Variants in CACUL1 observed in about 807,000 individuals in gnomAD.
CACUL1 encodes the protein CDK2-associated and cullin domain-containing protein 1.
CACUL1 carries 13 observed loss-of-function variants against 45.2 expected under a neutral mutation model. The ratio of observed to expected loss-of-function variants is 0.29; its 90% CI spans 0.19 to 0.46. The LOEUF (loss-of-function observed/expected upper bound fraction) is 0.46, where lower values mean the gene tolerates loss of function less well. Among genes scored for constraint, CACUL1 ranks in the 20% least tolerant of loss-of-function variants. The pLI is 1.00. For synonymous variants in CACUL1, 197 were observed against 174.2 expected (o/e 1.13, Z -1.03); for missense variants, 421 against 471.4 (o/e 0.89, Z 0.99).
chr10:118,699,366 GACA>G (rs1845354662), intron 5 of CACUL1, among the ~76,000 whole-genome samples: 1 of 152,062 alleles, frequency 6.6e-6, no homozygotes, highest in Admixed American at 6.5e-5. Flanking sequence ...TTGAAAACCG[GACA>G]ACATGATTAT....
chr10:118,676,863 CACACACACA>C lies in CACUL1; in HGVS notation c.*9256_*9264del, dbSNP rs1564824500. 3.4e-3 allele frequency: 519 copies of C among 151,980 alleles called. 1 individual carries two copies. The highest frequency in any genetic ancestry group is 0.011 in the African/African-American group (449 of 41,384). 9.4% of individuals were successfully genotyped at this position (151,980 alleles called of 1,614,324 possible). On this transcript the variant is annotated 3_prime_UTR_variant, in exon 9 of 9. Transcript: ENST00000369151. ...GTACACACACACACACACACACACA[CACACACACA>C]CTGGGGTGTGCACACTACGGCATTA...
rs1160159498 is a variant in CACUL1, at chr10:118,731,265, CT to C, written c.368-856del. Among the ~76,000 whole-genome samples the C allele has an allele frequency of 2.0e-5, 3 of 152,198 alleles. No homozygotes were observed. The East Asian group carries it at 5.8e-4, about 29-fold the overall frequency. On this transcript the variant is annotated intron_variant, in intron 1 of 8. Coordinates refer to ENST00000369151, the MANE Select transcript of CACUL1 (RefSeq NM_153810.5). ...AACAACAACGAGACCAGGTATTTCACTGTTTATTTTACCAGACTAGGAAGCA... is the reference window on the plus strand; with the variant it reads ...AACAACAACGAGACCAGGTATTTCACGTTTATTTTACCAGACTAGGAAGCA...
At chr10:118,729,833 T>C (rs1845682834) in intron 2 of CACUL1, among the ~76,000 whole-genome samples, 1 of 152,184 alleles carries the variant, frequency 6.6e-6, no homozygotes, top group Non-Finnish European at 1.5e-5. Flanking sequence ...TGGAACAACA[T>C]ACTTGTCACT....
Position 118,730,583 on chromosome 10 carries a change from G to A in CACUL1, c.368-173C>T, listed in dbSNP as rs10510047. ...AAACAAAAAAGGCAACCTGGTCAAGGATGTTAAGCAGCCATTAATCATGGA... is the reference window on the plus strand; with the variant it reads ...AAACAAAAAAGGCAACCTGGTCAAGAATGTTAAGCAGCCATTAATCATGGA... On this transcript the variant is annotated intron_variant, in intron 1 of 8. Transcript: ENST00000369151. Among the ~76,000 whole-genome samples, 615 of 152,224 alleles carry A rather than the reference G, an allele frequency of 4.0e-3. 7 individuals are homozygous for A. The highest frequency in any genetic ancestry group is 0.014 in the African/African-American group (595 of 41,516).
chr10:118,742,796 C>T lies in CACUL1; in HGVS notation c.367+11600G>A, dbSNP rs116299233. On this transcript the variant is annotated intron_variant, in intron 1 of 8. Transcript: ENST00000369151. ...ACTAGAATCAGATTTCCCAAGGGAA[C>T]AAGTACCAAACCTAAATAAATAGGA... 2.8e-3 allele frequency among the ~76,000 whole-genome samples: 430 copies of T among 152,234 alleles called. 2 individuals carry two copies. Among genetic ancestry groups the T allele is most frequent in the African/African-American group, 9.9e-3 (412 of 41,526 alleles).
chr10:118,713,192 C>T (rs375292752), intron 3 of CACUL1, among the ~76,000 whole-genome samples: 1 of 152,240 alleles, frequency 6.6e-6, no homozygotes, highest in Non-Finnish European at 1.5e-5. Context: ...GGCCAGGCTG[C>T]GACAGCACCT....
At chr10:118,702,075 G>C (rs1397624530) in intron 4 of CACUL1, among the ~76,000 whole-genome samples, 1 of 152,168 alleles carries the variant, frequency 6.6e-6, no homozygotes, top group Non-Finnish European at 1.5e-5. Flanking sequence ...TGCCTTAACT[G>C]AGGACATTAT....
chr10:118,696,555 A>C (rs1302469514), intron 5 of CACUL1, among the ~76,000 whole-genome samples: 4 of 152,220 alleles, frequency 2.6e-5, no homozygotes, highest in Non-Finnish European at 5.9e-5. Context: ...GAGGCAGAGA[A>C]TTGCTTGAAC....
chr10:118,707,245 G>A (rs1845440995), intron 4 of CACUL1, among the ~76,000 whole-genome samples: 1 of 152,240 alleles, frequency 6.6e-6, no homozygotes, highest in East Asian at 1.9e-4. Context: ...TACTCATGTG[G>A]GTGACTGCTA....
chr10:118,709,410 C>T (rs1342004619), intron 3 of CACUL1, among the ~76,000 whole-genome samples: 3 of 152,178 alleles, frequency 2.0e-5, no homozygotes, highest in South Asian at 2.1e-4. Flanking sequence ...AATTAGGTCC[C>T]ATTTTAACAC....
chr10:118,734,168 C>T (rs543130175), intron 1 of CACUL1, among the ~76,000 whole-genome samples: 232 of 152,326 alleles, frequency 1.5e-3, no homozygotes, highest in African/African-American at 5.4e-3. Flanking sequence ...TACTTTTCAA[C>T]TTTTTATTTC....
rs754893900 is a variant in CACUL1, at chr10:118,754,467, G to A, written c.296C>T (p.Ala99Val). ...GGGGGCGGGGGCCGCCTTGGCCACG[G>A]CGGCGGCCGCGTCGCAGCTCTTCAA... ...MMLKSCDAAA[A>V]VAKAAPAPTA... The change falls in exon 1 of 9, where the codon GCC (alanine) becomes GTC (valine). Residue 99 changes from alanine to valine, a missense_variant. Transcript: ENST00000369151. 6.2e-7 allele frequency: 1 copy of A among 1,607,442 alleles called. No individual in the cohort carries two copies. The highest frequency in any genetic ancestry group is 1.7e-5 in the Admixed American group (1 of 59,076).
chr10:118,727,630 T>C (rs1845663962), intron 3 of CACUL1, among the ~76,000 whole-genome samples: 1 of 152,200 alleles, frequency 6.6e-6, no homozygotes, highest in African/African-American at 2.4e-5. Flanking sequence ...TAAACGACAT[T>C]ACTTACAAGA....
In CACUL1 at chr10:118,754,412, G is replaced by A. The variant is rs1360227830; in HGVS notation, c.351C>T (p.Thr117=). The part of the protein sequence containing the change: ...PTASSTININ[T]STSKFLMNVI... ...TGGACTCACAGAACTTGGAGGTGGA[G>A]GTGTTGATGTTGATGGTGGAGCTGG... Residue 117 remains threonine, a synonymous_variant, in exon 1 of 9, where the codon ACC becomes ACT. Coordinates refer to ENST00000369151, the MANE Select transcript of CACUL1 (RefSeq NM_153810.5). 1.8e-5 allele frequency: 29 copies of A among 1,579,450 alleles called. No individual in the cohort carries two copies. Among genetic ancestry groups the A allele is most frequent in the East Asian group, 4.6e-5 (2 of 43,172 alleles).
intron 2 of CACUL1, among the ~76,000 whole-genome samples, chr10:118,729,883 T>C (rs1226420946): frequency 4.6e-5 from 7 of 152,142 alleles, no homozygotes; most frequent in African/African-American, 1.7e-4. Context: ...CCACCCCACT[T>C]CCTAATTTGC....
intron 2 of CACUL1, 125 bp downstream of exon 2, chr10:118,730,159 T>C: frequency 1.9e-6 from 2 of 1,057,760 alleles, no homozygotes; most frequent in South Asian, 3.1e-5. Flanking sequence ...AAGTGTGGAA[T>C]ACATAAAACA....
At chr10:118,716,751 C>T (rs939152510) in intron 3 of CACUL1, among the ~76,000 whole-genome samples, 1 of 152,006 alleles carries the variant, frequency 6.6e-6, no homozygotes, top group African/African-American at 2.4e-5. Context: ...TACAGGCACC[C>T]GCCACCACGC....
intron 3 of CACUL1, chr10:118,726,258 C>G (rs1564835841): frequency 8.3e-7 from 1 of 1,206,542 alleles, no homozygotes; most frequent in East Asian, 5.7e-5. Flanking sequence ...TCACACTGAA[C>G]AAATAAATAA....
intron 4 of CACUL1, among the ~76,000 whole-genome samples, chr10:118,702,341 C>T (rs1352373364): frequency 2.6e-5 from 4 of 152,276 alleles, no homozygotes; most frequent in South Asian, 4.1e-4. Flanking sequence ...TTCACAAAGA[C>T]GCCCGTGACA....
Sources: gnomAD v4.1 joint callset for allele counts (sites outside exome capture counted in the v4.1 genomes callset) on GRCh38, gnomAD v4.1.1 for gene constraint, MANE v1.5 for transcripts, NCBI Gene and HGNC (gene_info 2026-07-23, HGNC 2026-07-21) for gene names.